Variants in ANKRD24 observed in about 807,000 individuals in gnomAD.
The protein encoded by ANKRD24 is ankyrin repeat domain 24, also known as ankyrin repeat domain-containing protein 24.
A neutral mutation model predicts 127.8 loss-of-function variants in ANKRD24; 109 were observed. The ratio of observed to expected loss-of-function variants is 0.85; its 90% CI spans 0.73 to 1.00. ANKRD24 has a LOEUF of 1.00. ANKRD24 is among the 50% of genes least tolerant of loss of function. The probability of loss-of-function intolerance (pLI) is 0.00; values close to 1 mark genes in which losing one functional copy is unlikely to be tolerated. For missense variants in ANKRD24, 1,648 were observed against 1,570.2 expected (o/e 1.05, Z -0.84); for synonymous variants, 743 against 671.1 (o/e 1.11, Z -1.66).
Position 4,210,041 on chromosome 19 carries a change from C to G in ANKRD24, c.871-17C>G, listed in dbSNP as rs201043597. The G allele has an allele frequency of 2.0e-5, 31 of 1,588,262 alleles. No individual in the cohort carries two copies. The East Asian group carries it at 6.8e-4, about 35-fold the overall frequency. The stretch of plus-strand genomic sequence containing the variant: ...CCCCGATCGGCCCCCTTCACTCTCT[C>G]TCCCCTCCCTTCCCAGAACTCTATG... On this transcript the variant is annotated splice_polypyrimidine_tract_variant and intron_variant, in intron 11 of 21. Transcript: ENST00000318934.
intron 10 of ANKRD24, 75 bp from the exon 11 acceptor site, chr19:4,208,689 A>C: frequency 6.8e-7 from 1 of 1,467,368 alleles, no homozygotes; most frequent in South Asian, 1.2e-5. Flanking sequence ...AGCCCCCTAC[A>C]AGTCCCTGGG....
At chr19:4,196,196 A>G (rs1053762592) in intron 2 of ANKRD24, among the ~76,000 whole-genome samples, 2 of 152,176 alleles carry the variant, frequency 1.3e-5, no homozygotes, top group African/African-American at 4.8e-5. Flanking sequence ...CCGTTGAGAA[A>G]TTGAGAGGGA....
intron 15 of ANKRD24, 33 bp downstream of exon 15, chr19:4,212,731 G>T: frequency 6.5e-7 from 1 of 1,539,180 alleles, no homozygotes; most frequent in Non-Finnish European, 8.8e-7. Flanking sequence ...GCTGGGCTGG[G>T]GCTGGGTCGG....
chr19:4,222,728 C>T lies in ANKRD24; in HGVS notation c.3230C>T (p.Ala1077Val), dbSNP rs761066513. The change falls in exon 20 of 22, where the codon GCC becomes GTC. Residue 1077 changes from alanine (A) to valine (V), a missense_variant. Ala to Val is a moderately conservative substitution (Grantham distance 64, BLOSUM62 0). Transcript: ENST00000318934. Reference protein sequence around the residue: ...NLKEALKEQPAALATPEVEAL... With the variant: ...NLKEALKEQPVALATPEVEAL... The stretch of plus-strand genomic sequence containing the variant: ...AAGGAAGCCTTGAAGGAGCAGCCGG[C>T]CGCCCTCGCCACCCCTGAGGTGGAG... The T allele has an allele frequency of 1.5e-5, 24 of 1,611,904 alleles. No individual in the cohort carries two copies. The Admixed American group carries it at 2.8e-4, about 19-fold the overall frequency.
Position 4,207,802 on chromosome 19 carries a change from T to C in ANKRD24, c.666T>C (p.Cys222=). 1 of 1,572,792 alleles carries C rather than the reference T, an allele frequency of 6.4e-7. No individual in the cohort carries two copies. The highest frequency in any genetic ancestry group is 1.4e-5 in the African/African-American group (1 of 73,482). Residue 222 remains cysteine, a synonymous_variant, in exon 10 of 22, where the codon TGT becomes TGC. Coordinates refer to ENST00000318934, the MANE Select transcript of ANKRD24 (RefSeq NM_001393985.1). The part of the protein sequence containing the change: ...LQGRTALMLA[C]EGASPETVEV... ...GTAGGACGGCCCTGATGCTGGCCTGTGAGGGGGCCAGCCCCGAAACAGTGG... is the reference window on the plus strand; with the variant it reads ...GTAGGACGGCCCTGATGCTGGCCTGCGAGGGGGCCAGCCCCGAAACAGTGG...
At chr19:4,201,212 G>A (rs1003927200) in intron 5 of ANKRD24, among the ~76,000 whole-genome samples, 9 of 152,080 alleles carry the variant, frequency 5.9e-5, no homozygotes, top group Non-Finnish European at 1.2e-4. Flanking sequence ...GTGGCCAAAA[G>A]GAGTAGTTGG....
chr19:4,198,626 C>G lies in ANKRD24; in HGVS notation c.37-1057C>G, dbSNP rs1022299304. The G allele has an allele frequency of 2.2e-5, 9 of 407,968 alleles. No individual in the cohort carries two copies. Among genetic ancestry groups the G allele is most frequent in the Admixed American group, 4.4e-5 (1 of 22,532 alleles). 25.3% of individuals were successfully genotyped at this position (407,968 alleles called of 1,614,324 possible). On this transcript the variant is annotated intron_variant, in intron 2 of 21. Coordinates refer to ENST00000318934, the MANE Select transcript of ANKRD24 (RefSeq NM_001393985.1). The surrounding 1 kb of genome is among the most constrained non-coding windows in gnomAD (Gnocchi z 6.1). ...CCCCGGCTGACCTGGACCACCCCCC[C>G]ATTCCAGACCCGGGAAAGATGGTCG...
chr19:4,184,160 C>T (rs1967910521), intron 1 of ANKRD24, among the ~76,000 whole-genome samples: 1 of 152,200 alleles, frequency 6.6e-6, no homozygotes, highest in South Asian at 2.1e-4. Context: ...TCGGCTCATC[C>T]CCGGCCCCCT....
chr19:4,208,365 G>T (rs750664964), intron 10 of ANKRD24, among the ~76,000 whole-genome samples: 3 of 152,108 alleles, frequency 2.0e-5, no homozygotes, highest in Admixed American at 6.6e-5. Flanking sequence ...TTAGCTAGAC[G>T]TGGTTCAAGC....
rs867461844 is a variant in ANKRD24, at chr19:4,215,959, C to T, written c.1198-19C>T. On this transcript the variant is annotated intron_variant, in intron 15 of 21. Transcript: ENST00000318934. ...GCTGAGAGCAGAACCCCGAGCTGGACTCTGCTCCCTCCCCCCAGAACGAGC... is the reference window on the plus strand; with the variant it reads ...GCTGAGAGCAGAACCCCGAGCTGGATTCTGCTCCCTCCCCCCAGAACGAGC... 6.4e-7 allele frequency: 1 copy of T among 1,568,418 alleles called. No homozygotes were observed. Among genetic ancestry groups the T allele is most frequent in the Non-Finnish European group, 8.6e-7 (1 of 1,157,140 alleles).
In ANKRD24 at chr19:4,217,868, G is replaced by A. The variant is rs1237872447; in HGVS notation, c.2708G>A (p.Arg903Gln). Residue 903 changes from arginine (R) to glutamine (Q), a missense_variant, in exon 18 of 22, where the codon CGG (arginine) becomes CAG (glutamine). Physicochemically the swap from Arg to Gln is conservative, Grantham distance 43 (BLOSUM62 1). Coordinates refer to ENST00000318934, the MANE Select transcript of ANKRD24 (RefSeq NM_001393985.1). ...GCGCGGCAGGGCCTGGCCGAGCTGCGGGAGGCCTCCGAGGCCCTCCGCCAG... is the reference window on the plus strand; with the variant it reads ...GCGCGGCAGGGCCTGGCCGAGCTGCAGGAGGCCTCCGAGGCCCTCCGCCAG... The part of the protein sequence containing the change: ...EEARQGLAEL[R>Q]EASEALRQSV... 10 of 1,459,804 alleles carry A rather than the reference G, an allele frequency of 6.9e-6. No homozygotes were observed. The highest frequency in any genetic ancestry group is 5.9e-5 in the African/African-American group (4 of 67,528). The allele number at this position is 1,459,804 out of a possible 1,614,324, so 90.4% of individuals were successfully genotyped here.
intron 1 of ANKRD24, among the ~76,000 whole-genome samples, chr19:4,184,924 A>G (rs1214918840): frequency 7.3e-6 from 1 of 136,454 alleles, no homozygotes; most frequent in African/African-American, 2.7e-5. Context: ...GGATGGATGG[A>G]TGGAAGGATC....
At chr19:4,189,973 C>T (rs988814117) in intron 2 of ANKRD24, among the ~76,000 whole-genome samples, 6 of 151,982 alleles carry the variant, frequency 3.9e-5, no homozygotes, top group Non-Finnish European at 7.4e-5. Flanking sequence ...AGACAGACAG[C>T]GGGAGAGAAA....
rs1292675515 is a variant in ANKRD24, at chr19:4,198,115, A to T, written c.37-1568A>T. ...CTTGGCCGACTCGGAGGAGGTGGAG[A>T]TGGACGCCCGCGGGTCCCCTGGAGA... On this transcript the variant is annotated intron_variant, in intron 2 of 21. Coordinates refer to ENST00000318934, the MANE Select transcript of ANKRD24 (RefSeq NM_001393985.1). The surrounding 1 kb of genome is among the most constrained non-coding windows in gnomAD (Gnocchi z 6.1). 1.9e-5 allele frequency: 9 copies of T among 485,492 alleles called. No individual in the cohort carries two copies. The highest frequency in any genetic ancestry group is 3.3e-5 in the Non-Finnish European group (9 of 273,544). The allele number at this position is 485,492 out of a possible 1,614,324, so 30.1% of individuals were successfully genotyped here.
chr19:4,205,880 C>T (rs1181570934), intron 7 of ANKRD24, among the ~76,000 whole-genome samples: 3 of 151,852 alleles, frequency 2.0e-5, no homozygotes, highest in Non-Finnish European at 4.4e-5. Flanking sequence ...CGGTGGCTCA[C>T]GCCTGTAATC....
In ANKRD24 at chr19:4,210,337, G is replaced by A. The variant is rs755976231; in HGVS notation, c.1024G>A (p.Gly342Ser). ...ERGRLLQKIR[G>S]LEQHKERRQQ... ...GGGCCGCCTCCTGCAGAAGATCCGG[G>A]GCCTGGAACAGCACAAGGAACGGAG... The change falls in exon 13 of 22, where the codon GGC becomes AGC. Residue 342 changes from glycine (G) to serine (S), a missense_variant. By Grantham distance (56) the Gly-to-Ser change is moderately conservative. Coordinates refer to ENST00000318934, the MANE Select transcript of ANKRD24 (RefSeq NM_001393985.1). 2 of 1,575,322 alleles carry A rather than the reference G, an allele frequency of 1.3e-6. No individual in the cohort carries two copies. Among genetic ancestry groups the A allele is most frequent in the Non-Finnish European group, 1.7e-6 (2 of 1,161,110 alleles).
At chr19:4,215,010 C>T (rs1969977435) in intron 15 of ANKRD24, among the ~76,000 whole-genome samples, 1 of 152,192 alleles carries the variant, frequency 6.6e-6, no homozygotes. Context: ...CACTCTCATG[C>T]AGACAAACAC....
chr19:4,217,912 G>A lies in ANKRD24; in HGVS notation c.2752G>A (p.Glu918Lys). 2 of 1,488,060 alleles carry A rather than the reference G, an allele frequency of 1.3e-6. No homozygotes were observed. The highest frequency in any genetic ancestry group is 1.8e-6 in the Non-Finnish European group (2 of 1,126,532). The allele number at this position is 1,488,060 out of a possible 1,614,324, so 92.2% of individuals were successfully genotyped here. A position where few individuals can be genotyped will look rare whatever the true frequency, so the allele number is the denominator to read the frequency against. Reference protein sequence around the residue: ...ALRQSVVPASEHRRLQEEALE... With the variant: ...ALRQSVVPASKHRRLQEEALE... The stretch of plus-strand genomic sequence containing the variant: ...CCGCCAGTCCGTGGTGCCGGCCTCT[G>A]AGCACCGCCGGCTGCAGGAGGAGGC... The change falls in exon 18 of 22, where the codon GAG (glutamate) becomes AAG (lysine). Residue 918 changes from glutamate to lysine, a missense_variant. By Grantham distance (56) the Glu-to-Lys change is moderately conservative (BLOSUM62 1). Coordinates refer to ENST00000318934, the MANE Select transcript of ANKRD24 (RefSeq NM_001393985.1).
intron 7 of ANKRD24, 30 bp downstream of exon 7, chr19:4,202,956 C>G (rs201914800): frequency 2.0e-6 from 3 of 1,531,762 alleles, no homozygotes; most frequent in African/African-American, 1.4e-5. Flanking sequence ...GCCCTGACCC[C>G]GAAGCCCAGA....
Sources: allele counts gnomAD v4.1 joint callset (sites outside exome capture counted in the v4.1 genomes callset), GRCh38; gene constraint gnomAD v4.1.1; non-coding constraint Gnocchi (gnomAD v3.1); transcripts MANE v1.5; gene names NCBI Gene and HGNC (gene_info 2026-07-23, HGNC 2026-07-21).